Variants in DNAH6 observed in about 807,000 individuals in gnomAD.
DNAH6 encodes the protein dynein axonemal heavy chain 6.
DNAH6 carries 340 observed loss-of-function variants against 491.4 expected under a neutral mutation model. The ratio of observed to expected loss-of-function variants is 0.69; its 90% confidence interval spans 0.63 to 0.76. The LOEUF is 0.76. DNAH6 is among the 30% of genes least tolerant of loss of function. The pLI, the probability that DNAH6 is intolerant of heterozygous loss-of-function variation, is 0.00. For synonymous variants in DNAH6, 1,603 were observed against 1,686.1 expected, an observed-to-expected ratio of 0.95 and a Z score of 1.21; for missense variants, 4,443 against 4,972.2, an observed-to-expected ratio of 0.89 and a Z score of 3.20.
upstream of DNAH6, among the ~76,000 whole-genome samples, chr2:84,511,970 T>C (rs887184009): frequency 2.0e-5 from 3 of 152,206 alleles, no homozygotes; most frequent in South Asian, 2.1e-4. Flanking sequence ...TTTTGTATGA[T>C]TGCAGAATTT....
chr2:84,641,428 A>G (rs1689385393), intron 32 of DNAH6, among the ~76,000 whole-genome samples: 1 of 152,198 alleles, frequency 6.6e-6, no homozygotes, highest in South Asian at 2.1e-4. Context: ...CTGGAGGAGC[A>G]CAACTACAGT....
the DNAH6 span, among the ~76,000 whole-genome samples, chr2:84,472,310 G>A: frequency 5.9e-5 from 9 of 151,672 alleles, no homozygotes; most frequent in African/African-American, 2.2e-4. Context: ...ATATTCCGTT[G>A]TTGAAAGAAG....
chr2:84,736,427 C>T (rs74323810), intron 62 of DNAH6, among the ~76,000 whole-genome samples: 1 of 152,104 alleles, frequency 6.6e-6, no homozygotes, highest in Non-Finnish European at 1.5e-5. Context: ...CTGTAGATTG[C>T]TTCGGATAGC....
intron 54 of DNAH6, among the ~76,000 whole-genome samples, chr2:84,708,500 G>T (rs868382406): frequency 7.5e-6 from 1 of 133,816 alleles, no homozygotes. Flanking sequence ...AGGGAGGGAG[G>T]AAGGAAGGGA....
intron 32 of DNAH6, among the ~76,000 whole-genome samples, chr2:84,641,193 C>T (rs1054795840): frequency 6.6e-6 from 1 of 152,134 alleles, no homozygotes; most frequent in Non-Finnish European, 1.5e-5. Flanking sequence ...TCTAAGGAGA[C>T]CTATTTTATC....
chr2:84,770,536 A>C (rs1675504983), intron 64 of DNAH6, among the ~76,000 whole-genome samples: 1 of 152,220 alleles, frequency 6.6e-6, no homozygotes, highest in Non-Finnish European at 1.5e-5. Context: ...AAAGGAAACA[A>C]GTAGAACTTT....
chr2:84,720,131 C>T (rs1697956205), intron 59 of DNAH6, among the ~76,000 whole-genome samples: 1 of 151,992 alleles, frequency 6.6e-6, no homozygotes, highest in African/African-American at 2.4e-5. Context: ...TTACTTTCTC[C>T]AAAGGAAATT....
chr2:84,737,944 A>G (rs963718175), intron 62 of DNAH6, among the ~76,000 whole-genome samples: 1 of 151,690 alleles, frequency 6.6e-6, no homozygotes, highest in Admixed American at 6.6e-5. Context: ...AGACCTTTCT[A>G]ACTTCTCGAT....
the DNAH6 span, among the ~76,000 whole-genome samples, chr2:84,510,709 CT>C: frequency 6.6e-6 from 1 of 152,134 alleles, no homozygotes; most frequent in Non-Finnish European, 1.5e-5. Flanking sequence ...GTGGTTTTAT[CT>C]ACCTTTGGTC....
chr2:84,678,731 A>T (rs1166223340), intron 41 of DNAH6, among the ~76,000 whole-genome samples: 1 of 152,170 alleles, frequency 6.6e-6, no homozygotes, highest in Non-Finnish European at 1.5e-5. Flanking sequence ...CATCATAGCT[A>T]AAAACTGGCT....
chr2:84,585,286 A>G (rs1683426182), intron 15 of DNAH6, among the ~76,000 whole-genome samples: 1 of 152,110 alleles, frequency 6.6e-6, no homozygotes, highest in Admixed American at 6.5e-5. Context: ...TCCCCTCCTA[A>G]TTACTCATCC....
intron 42 of DNAH6, 82 bp downstream of exon 42, chr2:84,681,610 G>A (rs1282297374): frequency 9.5e-6 from 12 of 1,259,556 alleles, no homozygotes; most frequent in Non-Finnish European, 1.0e-5. Flanking sequence ...AACATTGTAT[G>A]TATGCAGGTG....
chr2:84,526,301 T>C (rs1676599397), intron 3 of DNAH6, among the ~76,000 whole-genome samples: 1 of 152,094 alleles, frequency 6.6e-6, no homozygotes, highest in Non-Finnish European at 1.5e-5. Context: ...CCAAGATTTC[T>C]CTGAGGTTTT....
At position 84,623,128 on chromosome 2, in the gene DNAH6, A is replaced by C. The variant is rs1353835675; in HGVS notation, c.4072-1137A>C. ...ATTAAGGATTTAAATGTAAGACCTG[A>C]AACTGTAAAATCCCTAGAAGAAGGC... On this transcript the variant is annotated intron_variant, in intron 26 of 76. Coordinates refer to ENST00000389394, the MANE Select transcript of DNAH6 (RefSeq NM_001370.2). Among the ~76,000 whole-genome samples the C allele has an allele frequency of 2.0e-5, 3 of 152,194 alleles. No individual in the cohort carries two copies. In the South Asian group the frequency reaches 6.2e-4, roughly 31 times the overall value.
Position 84,816,711 on chromosome 2 carries a change from G to A in DNAH6, c.12373+628G>A, listed in dbSNP as rs183586721. ...GCACTCCAGCCTAGGTAACAAGAGCGAAAACTCCATCATAAATAAGTAAAT... is the reference window on the plus strand; with the variant it reads ...GCACTCCAGCCTAGGTAACAAGAGCAAAAACTCCATCATAAATAAGTAAAT... On this transcript the variant is annotated intron_variant, in intron 76 of 76. Transcript: ENST00000389394. Among the ~76,000 whole-genome samples, 300 of 152,246 alleles carry A rather than the reference G, an allele frequency of 2.0e-3. 1 individual carries two copies. The highest frequency in any genetic ancestry group is 1.2e-3 in the Non-Finnish European group (82 of 68,020).
chr2:84,668,532 A>G (rs903280157), intron 37 of DNAH6, among the ~76,000 whole-genome samples: 62 of 152,170 alleles, frequency 4.1e-4, no homozygotes, highest in African/African-American at 1.4e-3. Flanking sequence ...AAAGCTTTTG[A>G]TAATTTGATC....
At chr2:84,489,518 C>T in the DNAH6 span, among the ~76,000 whole-genome samples, 4 of 152,044 alleles carry the variant, frequency 2.6e-5, 1 homozygote, top group Non-Finnish European at 5.9e-5. Flanking sequence ...TTCCAAAGGC[C>T]CCAAGCGATA....
In DNAH6 at chr2:84,585,198, A is replaced by G. The variant is rs914584778; in HGVS notation, c.2481+948A>G. On this transcript the variant is annotated intron_variant, in intron 15 of 76. Transcript: ENST00000389394. ...AGTGTACATAACTAATTACTGTACA[A>G]CTCAATGAATTATCTGAAAGTAAAC... is the stretch of plus-strand genomic sequence containing the variant. Among the ~76,000 whole-genome samples, 3 of 152,318 alleles carry G rather than the reference A, an allele frequency of 2.0e-5. No homozygotes were observed. In the East Asian group the frequency reaches 5.8e-4, roughly 29 times the overall value.
chr2:84,527,877 G>C (rs796472994), intron 3 of DNAH6, among the ~76,000 whole-genome samples: 5 of 152,158 alleles, frequency 3.3e-5, no homozygotes, highest in African/African-American at 1.2e-4. Flanking sequence ...TGCCAGCTAT[G>C]TTAATAGGCA....
Sources: gnomAD v4.1 joint callset for allele counts (sites outside exome capture counted in the v4.1 genomes callset) on GRCh38, gnomAD v4.1.1 for gene constraint, MANE v1.5 for transcripts, NCBI Gene and HGNC (gene_info 2026-07-23, HGNC 2026-07-21) for gene names.